Variants in TRPM1 observed in about 807,000 individuals in gnomAD.
TRPM1 encodes TRPM1-203 APA Isoform, Intron 10.
In TRPM1, 113 loss-of-function variants were observed where a neutral mutation model predicts 149.4. That is an observed-to-expected ratio of 0.76 (90% CI 0.65 to 0.88). The LOEUF is 0.88. Among genes scored for constraint, TRPM1 ranks in the 40% least tolerant of loss-of-function variants. The pLI is 0.00. For synonymous variants in TRPM1, 741 were observed against 759.5 expected (o/e 0.98, Z 0.40); for missense variants, 1,976 against 2,038.7 (o/e 0.97, Z 0.59).
At chr15:31,142,135 A>C (rs1190232511) in intron 1 of TRPM1, among the ~76,000 whole-genome samples, 1 of 152,194 alleles carries the variant, frequency 6.6e-6, no homozygotes, top group African/African-American at 2.4e-5. Flanking sequence ...CCAAAACACA[A>C]TTTCTTGGCA....
chr15:31,026,946 TTC>T lies in TRPM1; in HGVS notation c.3463_3464del (p.Glu1155ArgfsTer15), dbSNP rs2140900726. 2 of 1,614,092 alleles carry T rather than the reference TTC, an allele frequency of 1.2e-6. No individual in the cohort carries two copies. The highest frequency in any genetic ancestry group is 2.7e-5 in the African/African-American group (2 of 75,012). ...CACGATCCCGTTCCTCTTGGTCCCC[TTC>T]TCTCTTTTTCCTGCAGCGGCCGCTG... ...RLSGRCRKKR[E>X]GDQEERDRGL... On this transcript the variant is annotated frameshift_variant, in exon 26 of 28. Transcript: ENST00000256552. LOFTEE classifies it high-confidence loss of function.
At chr15:31,054,599 C>T (rs1459265044) in intron 11 of TRPM1, among the ~76,000 whole-genome samples, 1 of 152,002 alleles carries the variant, frequency 6.6e-6, no homozygotes, top group African/African-American at 2.4e-5. Context: ...CTGGCCTCTT[C>T]GTTATGTTTA....
intron 27 of TRPM1, among the ~76,000 whole-genome samples, chr15:31,009,254 G>A (rs1218348693): frequency 6.6e-6 from 1 of 152,010 alleles, no homozygotes; most frequent in Non-Finnish European, 1.5e-5. Context: ...CCAGCTACTC[G>A]GGAGGTTGTG....
intron 18 of TRPM1, among the ~76,000 whole-genome samples, chr15:31,038,447 C>T (rs1387746723): frequency 6.6e-6 from 1 of 152,200 alleles, no homozygotes; most frequent in African/African-American, 2.4e-5. Context: ...CATGGTAGCT[C>T]ACACCTGTAA....
At chr15:31,029,726 A>G (rs1190705200) in intron 23 of TRPM1, among the ~76,000 whole-genome samples, 1 of 152,222 alleles carries the variant, frequency 6.6e-6, no homozygotes, top group Non-Finnish European at 1.5e-5. Flanking sequence ...CAGGTTAACC[A>G]ATCACGCGCT....
intron 1 of TRPM1, among the ~76,000 whole-genome samples, chr15:31,113,579 A>G (rs1368122485): frequency 3.3e-5 from 5 of 152,116 alleles, no homozygotes; most frequent in Admixed American, 6.5e-5. Flanking sequence ...AGGTTCCCCC[A>G]TACAACTGCA....
chr15:31,139,769 G>C (rs961804644), intron 1 of TRPM1, among the ~76,000 whole-genome samples: 1 of 152,204 alleles, frequency 6.6e-6, no homozygotes, highest in African/African-American at 2.4e-5. Flanking sequence ...CTGTAAAATG[G>C]TTAGCAGGAA....
chr15:31,152,321 C>T (rs886996109), intron 1 of TRPM1, among the ~76,000 whole-genome samples: 48 of 152,202 alleles, frequency 3.2e-4, no homozygotes, highest in South Asian at 8.3e-4. Context: ...GGCATGTCTC[C>T]GCTTCAGGAG....
intron 1 of TRPM1, among the ~76,000 whole-genome samples, chr15:31,147,772 C>T (rs1419328280): frequency 6.6e-6 from 1 of 152,168 alleles, no homozygotes; most frequent in Non-Finnish European, 1.5e-5. Context: ...CACAAATAGA[C>T]TGATGTGGAA....
chr15:31,113,895 C>T lies in TRPM1; in HGVS notation c.55-36911G>A, dbSNP rs528887996. 3.3e-5 allele frequency among the ~76,000 whole-genome samples: 5 copies of T among 152,350 alleles called. No individual in the cohort carries two copies. The East Asian group carries it at 7.7e-4, about 24-fold the overall frequency. ...GTACCGAGCAAATTGACTTTGCTGG[C>T]TAACGGGTGGGCAGCTTTTATTCCC... On this transcript the variant is annotated intron_variant, in intron 1 of 26. Coordinates refer to the TRPM1 transcript ENST00000542188.
intron 22 of TRPM1, 30 bp from the exon 23 acceptor site, chr15:31,031,187 G>T (rs779003415): frequency 6.2e-7 from 1 of 1,613,898 alleles, no homozygotes; most frequent in Non-Finnish European, 8.5e-7. Context: ...GTCTCTCACT[G>T]TCTTGGCTTG....
rs10467997 is a variant in TRPM1 at position 31,118,640 on chromosome 15, G to T, written c.55-41656C>A. 2.8e-3 allele frequency among the ~76,000 whole-genome samples: 432 copies of T among 152,078 alleles called. 3 individuals carry two copies. The highest frequency in any genetic ancestry group is 0.01 in the African/African-American group (416 of 41,498). On this transcript the variant is annotated intron_variant, in intron 1 of 26. Coordinates refer to the TRPM1 transcript ENST00000542188. ...CAAGATCAGGGTGCCCCATGGTTGG[G>T]TTAGAACTCTCTTCTGGGTTGAAGA...
intron 1 of TRPM1, among the ~76,000 whole-genome samples, chr15:31,089,049 G>A (rs2035127808): frequency 6.6e-6 from 1 of 152,186 alleles, no homozygotes; most frequent in Admixed American, 6.5e-5. Context: ...CAGAAATCCA[G>A]TAATTAGGAT....
intron 3 of TRPM1, among the ~76,000 whole-genome samples, chr15:31,071,572 C>A (rs945643223): frequency 6.6e-6 from 1 of 151,942 alleles, no homozygotes; most frequent in Non-Finnish European, 1.5e-5. Flanking sequence ...CTTCTGATGG[C>A]CTTCCATCTT....
chr15:31,155,605 G>T (rs2036361332), intron 1 of TRPM1, among the ~76,000 whole-genome samples: 1 of 152,134 alleles, frequency 6.6e-6, no homozygotes, highest in South Asian at 2.1e-4. Flanking sequence ...TAACAGACAA[G>T]TGAAGACCCA....
intron 1 of TRPM1, among the ~76,000 whole-genome samples, chr15:31,082,629 C>T (rs1021141590): frequency 2.0e-5 from 3 of 152,076 alleles, no homozygotes; most frequent in Non-Finnish European, 2.9e-5. Flanking sequence ...GGGGAGGCTG[C>T]GGGAAGAAAG....
At position 31,026,937 on chromosome 15, in the gene TRPM1, T is replaced by C. The variant is rs369839547; in HGVS notation, c.3474A>G (p.Gln1158=). The C allele has an allele frequency of 2.5e-6, 4 of 1,614,004 alleles. No homozygotes were observed. Among genetic ancestry groups the C allele is most frequent in the African/African-American group, 1.3e-5 (1 of 74,912 alleles). Residue 1158 remains glutamine, a synonymous_variant, in exon 26 of 28, where the codon CAA becomes CAG. Transcript: ENST00000256552. ...TACTCAATCCACGATCCCGTTCCTC[T>C]TGGTCCCCTTCTCTCTTTTTCCTGC... ...GRCRKKREGD[Q]EERDRGLKLF... is the part of the protein sequence containing the mutation.
At chr15:31,088,684 G>T (rs1004437585) in intron 1 of TRPM1, among the ~76,000 whole-genome samples, 3 of 152,158 alleles carry the variant, frequency 2.0e-5, no homozygotes, top group Admixed American at 6.5e-5. Flanking sequence ...TTCATACTAA[G>T]CCTTTTTGGG....
chr15:31,032,388 T>C (rs1473232447), intron 22 of TRPM1, among the ~76,000 whole-genome samples: 2 of 152,042 alleles, frequency 1.3e-5, no homozygotes, highest in Non-Finnish European at 2.9e-5. Flanking sequence ...TTGAGAGAGA[T>C]ATACATGTGT....
Sources: gnomAD v4.1 joint callset for allele counts (sites outside exome capture counted in the v4.1 genomes callset) on GRCh38, gnomAD v4.1.1 for gene constraint, MANE v1.5 for transcripts, NCBI Gene and HGNC (gene_info 2026-07-23, HGNC 2026-07-21) for gene names.